BCLAF3: variants seen among roughly 807,000 people sequenced by gnomAD.
BCLAF3 encodes BCLAF1 and THRAP3 family member 3.
BCLAF3 carries 24 observed loss-of-function variants against 51.2 expected under a neutral mutation model. The ratio of observed to expected loss-of-function variants is 0.47; its 90% confidence interval spans 0.34 to 0.66. BCLAF3 has a LOEUF of 0.66. BCLAF3 is among the 30% of genes least tolerant of loss of function. The probability of loss-of-function intolerance (pLI) is 0.01; values close to 1 mark genes in which losing one functional copy is unlikely to be tolerated. For missense variants in BCLAF3, 465 were observed against 525.1 expected, an observed-to-expected ratio of 0.89 and a Z score of 1.12; for synonymous variants, 152 against 176.6, an observed-to-expected ratio of 0.86 and a Z score of 1.10.
At chrX:19,967,617 T>A (rs764528477) in intron 2 of BCLAF3, among the ~76,000 whole-genome samples, 49 of 111,212 alleles carry the variant, frequency 4.4e-4, no homozygotes, top group Non-Finnish European at 7.4e-4. Context: ...AAAGTTCCAT[T>A]TTGCACCTGG....
chrX:19,969,234 T>A (rs1015721114), intron 2 of BCLAF3, among the ~76,000 whole-genome samples: 1 of 113,027 alleles, frequency 8.8e-6, no homozygotes, highest in African/African-American at 3.2e-5. Context: ...GTGGCTCCTG[T>A]GAATTACAAA....
chrX:19,949,454 C>G, intron 8 of BCLAF3, among the ~76,000 whole-genome samples: 1 of 111,864 alleles, frequency 8.9e-6, no homozygotes, highest in Non-Finnish European at 1.9e-5. Flanking sequence ...TGTCTTAAAT[C>G]TGTTTTTAAA....
At chrX:19,949,976 TG>T (rs765567846) in intron 8 of BCLAF3, among the ~76,000 whole-genome samples, 4 of 111,583 alleles carry the variant, frequency 3.6e-5, no homozygotes, top group Non-Finnish European at 7.5e-5. Context: ...AAACTGGGGT[TG>T]ATCTAGACTA....
chrX:19,985,375 T>C (rs1054100230), intron 1 of BCLAF3, among the ~76,000 whole-genome samples: 2 of 110,932 alleles, frequency 1.8e-5, no homozygotes, highest in East Asian at 5.6e-4. Context: ...TGCCAGGAGT[T>C]TGGGAATAGC....
Position 19,966,454 on chromosome X carries a change from A to C in BCLAF3, c.237T>G (p.Pro79=). The C allele has an allele frequency of 8.3e-7, 1 of 1,211,415 alleles. No individual in the cohort carries two copies. Among genetic ancestry groups the C allele is most frequent in the Non-Finnish European group, 1.1e-6 (1 of 895,200 alleles). Residue 79 remains proline, a synonymous_variant, in exon 3 of 12, where the codon CCT becomes CCG. Coordinates refer to ENST00000379682, the MANE Select transcript of BCLAF3 (RefSeq NM_001367774.2). ...IYYQSYEHRS[P]SPNIRNSLEN... ...CTAAAGAGTTTCTTATGTTAGGGGA[A>C]GGTGATCTATGTTCATAAGACTGGT...
chrX:19,935,169 G>A (rs1411933936), intron 10 of BCLAF3, among the ~76,000 whole-genome samples: 3 of 107,190 alleles, frequency 2.8e-5, no homozygotes, highest in Non-Finnish European at 5.8e-5. Flanking sequence ...GGGCGACAGA[G>A]GGAGACTCCA....
intron 1 of BCLAF3, among the ~76,000 whole-genome samples, chrX:19,983,945 G>A (rs1480961454): frequency 1.9e-5 from 2 of 107,424 alleles, no homozygotes; most frequent in Admixed American, 1.0e-4. Context: ...GGCGGCACGC[G>A]CCTATAGTCC....
In BCLAF3 at chrX:19,953,828, G is replaced by T. The variant is rs770768008; in HGVS notation, c.1515C>A (p.His505Gln). ...ATGGAATTTCATTTACATCTGCCTT[G>T]TGTATATCTTGCATTGTTGAGAAAC... ...HERFSTMQDI[H>Q]KADVNEIPLN... is the part of the protein sequence containing the mutation. The change falls in exon 6 of 12, where the codon CAC (histidine) becomes CAA (glutamine). Residue 505 changes from histidine to glutamine, a missense_variant. Physicochemically the swap from His to Gln is conservative, Grantham distance 24. Transcript: ENST00000379682. 1.7e-6 allele frequency: 2 copies of T among 1,206,562 alleles called. No homozygotes were observed. The highest frequency in any genetic ancestry group is 2.2e-6 in the Non-Finnish European group (2 of 892,831).
Position 19,917,136 on chromosome X carries a change from C to A in BCLAF3, c.*169G>T. On this transcript the variant is annotated 3_prime_UTR_variant, in exon 12 of 12. Coordinates refer to ENST00000379682, the MANE Select transcript of BCLAF3 (RefSeq NM_001367774.2). ...TAAATTGAATACTGTAATTTAAAAG[C>A]AATTGTTAGGTGTAAAAAAGTTGCA... 1 of 486,639 alleles carries A rather than the reference C, an allele frequency of 2.1e-6. No homozygotes were observed. The highest frequency in any genetic ancestry group is 3.7e-5 in the East Asian group (1 of 27,272). 40.1% of individuals were successfully genotyped at this position (486,639 alleles called of 1,213,427 possible). A position where few individuals can be genotyped will look rare whatever the true frequency, so the allele number is the denominator to read the frequency against.
intron 1 of BCLAF3, among the ~76,000 whole-genome samples, chrX:19,978,949 T>C (rs186915718): frequency 5.0e-4 from 55 of 110,902 alleles, no homozygotes; most frequent in African/African-American, 1.7e-3. Flanking sequence ...ACAAACCTTA[T>C]TGTTGCCTTA....
chrX:19,965,011 T>C, intron 4 of BCLAF3, 33 bp downstream of exon 4: 1 of 1,054,179 alleles, frequency 9.5e-7, no homozygotes, highest in Non-Finnish European at 1.3e-6. Context: ...AGAAACATTA[T>C]TAAATATCAT....
Position 19,926,124 on chromosome X carries a change from T to C in BCLAF3, c.2106+3661A>G, listed in dbSNP as rs114745782. The stretch of plus-strand genomic sequence containing the variant: ...TCAAAGTGGCTGCAATAGAAAGATA[T>C]ATGAAGCAGCATCCAGAAGGGTGGG... On this transcript the variant is annotated intron_variant, in intron 11 of 11. Coordinates refer to ENST00000379682, the MANE Select transcript of BCLAF3 (RefSeq NM_001367774.2). 4.7e-3 allele frequency among the ~76,000 whole-genome samples: 524 copies of C among 111,348 alleles called. 2 individuals carry two copies. The highest frequency in any genetic ancestry group is 0.017 in the African/African-American group (505 of 30,591).
chrX:19,942,184 G>A (rs2071080861), intron 8 of BCLAF3, among the ~76,000 whole-genome samples: 1 of 40,417 alleles, frequency 2.5e-5, no homozygotes, highest in Non-Finnish European at 3.8e-5. Context: ...TGAGACAATG[G>A]GGTTTTCTAG....
intron 11 of BCLAF3, among the ~76,000 whole-genome samples, chrX:19,925,570 G>A (rs778595865): frequency 1.8e-5 from 2 of 111,727 alleles, no homozygotes; most frequent in Admixed American, 1.9e-4. Flanking sequence ...GTGCAGGGAT[G>A]CTGTTCAGAC....
At chrX:19,932,516 C>T (rs2070601339) in intron 10 of BCLAF3, among the ~76,000 whole-genome samples, 1 of 102,423 alleles carries the variant, frequency 9.8e-6, no homozygotes, top group African/African-American at 3.7e-5. Context: ...TTTACAGATA[C>T]AAGTCAAGAT....
chrX:19,951,574 T>A (rs1450106617), intron 7 of BCLAF3, among the ~76,000 whole-genome samples: 1 of 85,168 alleles, frequency 1.2e-5, no homozygotes, highest in African/African-American at 5.9e-5. Flanking sequence ...CCAGCCAGGG[T>A]GACAGAGTGA....
chrX:19,969,586 A>C (rs1178902136), intron 2 of BCLAF3, among the ~76,000 whole-genome samples: 1 of 112,121 alleles, frequency 8.9e-6, no homozygotes. Flanking sequence ...AGAAATCCAG[A>C]ATCCTTTGTC....
At chrX:19,965,769 T>C in intron 3 of BCLAF3, 63 bp from the exon 4 acceptor site, 1 of 1,043,933 alleles carries the variant, frequency 9.6e-7, no homozygotes, top group East Asian at 3.1e-5. Flanking sequence ...TTTATATGTG[T>C]AGAATGTCGG....
chrX:19,957,457 T>C (rs2071705256), intron 4 of BCLAF3, among the ~76,000 whole-genome samples: 2 of 112,436 alleles, frequency 1.8e-5, no homozygotes, highest in Non-Finnish European at 3.8e-5. Flanking sequence ...AATAGAACTA[T>C]ACAAATGGTC....
Sources: gnomAD v4.1 joint callset for allele counts (sites outside exome capture counted in the v4.1 genomes callset) on GRCh38, gnomAD v4.1.1 for gene constraint, MANE v1.5 for transcripts, NCBI Gene and HGNC (gene_info 2026-07-23, HGNC 2026-07-21) for gene names.